The following FBXL5 variants were observed in gnomAD, a reference collection of about 807,000 sequenced individuals.
FBXL5 encodes the protein F-box and leucine rich repeat protein 5.
Under a neutral mutation model 78.3 loss-of-function variants are expected in FBXL5, and 26 were observed. The observed-to-expected ratio is 0.33, with a 90% CI of 0.24 to 0.46. FBXL5 has a LOEUF of 0.46. Among genes scored for constraint, FBXL5 ranks in the 20% least tolerant of loss-of-function variants. The pLI is 1.00. For synonymous variants in FBXL5, 295 were observed against 282.5 expected, an observed-to-expected ratio of 1.04 and a Z score of -0.45; for missense variants, 710 against 829.2, an observed-to-expected ratio of 0.86 and a Z score of 1.77.
intron 1 of FBXL5, among the ~76,000 whole-genome samples, chr4:15,678,875 TG>T (rs1167423289): frequency 3.9e-5 from 6 of 152,206 alleles, no homozygotes; most frequent in Admixed American, 2.0e-4. Context: ...CTCACTCTAC[TG>T]TTGGTTCATA....
At chr4:15,623,495 A>C (rs1393537956) in intron 9 of FBXL5, among the ~76,000 whole-genome samples, 2 of 145,834 alleles carry the variant, frequency 1.4e-5, no homozygotes, top group Non-Finnish European at 3.0e-5. Context: ...TCAATAAGGT[A>C]TGACAGTAAT....
Position 15,630,755 on chromosome 4 carries a change from G to A in FBXL5, c.803C>T (p.Thr268Ile). 1.9e-6 allele frequency: 3 copies of A among 1,612,578 alleles called. No individual in the cohort carries two copies. The South Asian group carries it at 3.3e-5, about 18-fold the overall frequency. ...TTTCACCCATTCATCATCAGGTTCA[G>A]TATCAAGTTCAGTTGCGGGACCACT... ...WYSGPATELD[T>I]EPDDEWVKNR... Residue 268 changes from threonine (T) to isoleucine (I), a missense_variant, in exon 6 of 11, where the codon ACT (threonine) becomes ATT (isoleucine). Physicochemically the swap from Thr to Ile is moderately conservative, Grantham distance 89. Around this residue, in one of 4 missense-constraint regions of FBXL5, gnomAD observed 517 missense variants for 542.9 expected, o/e 0.95. Coordinates refer to ENST00000341285, the MANE Select transcript of FBXL5 (RefSeq NM_012161.4).
At chr4:15,660,166 A>C (rs1234084745), upstream of FBXL5, among the ~76,000 whole-genome samples, 1 of 151,796 alleles carries the variant, frequency 6.6e-6, no homozygotes, top group Non-Finnish European at 1.5e-5. Flanking sequence ...GCAGCCTCAA[A>C]CTCCTAGGCT....
intron 9 of FBXL5, among the ~76,000 whole-genome samples, chr4:15,623,571 T>C (rs1712697270): frequency 6.6e-6 from 1 of 152,220 alleles, no homozygotes; most frequent in Admixed American, 6.5e-5. Context: ...TTTTACTTTC[T>C]AAAATCAAGT....
chr4:15,649,207 A>C (rs1715667737), intron 1 of FBXL5, among the ~76,000 whole-genome samples: 1 of 152,148 alleles, frequency 6.6e-6, no homozygotes, highest in Admixed American at 6.5e-5. Flanking sequence ...TAAAGATACT[A>C]CCCAACTCAG....
At chr4:15,662,565 G>A (rs1221785926), upstream of FBXL5, among the ~76,000 whole-genome samples, 1 of 152,100 alleles carries the variant, frequency 6.6e-6, no homozygotes, top group South Asian at 2.1e-4. Context: ...TCCTTGAAAA[G>A]GTCAAGCTTA....
chr4:15,659,246 T>C (rs1189888620), upstream of FBXL5, among the ~76,000 whole-genome samples: 3 of 152,226 alleles, frequency 2.0e-5, no homozygotes, highest in Non-Finnish European at 4.4e-5. Flanking sequence ...GCATAAAATA[T>C]TTCTTGCTGC....
In FBXL5 at chr4:15,630,714, T is replaced by C; in HGVS notation, c.844A>G (p.Ser282Gly). Residue 282 changes from serine (S) to glycine (G), a missense_variant, in exon 6 of 11, where the codon AGT becomes GGT. Physicochemically the swap from Ser to Gly is moderately conservative, Grantham distance 56. Around this residue, in one of 4 missense-constraint regions of FBXL5, gnomAD observed 517 missense variants for 542.9 expected, o/e 0.95. Coordinates refer to ENST00000341285, the MANE Select transcript of FBXL5 (RefSeq NM_012161.4). Reference protein sequence around the residue: ...DEWVKNRKDESRAFHEWDEDA... With the variant: ...DEWVKNRKDEGRAFHEWDEDA... ...TCATCCCACTCATGAAAAGCACGAC[T>C]TTCATCTTTCCTATTTTTCACCCAT... 1 of 1,607,076 alleles carries C rather than the reference T, an allele frequency of 6.2e-7. No individual in the cohort carries two copies. The highest frequency in any genetic ancestry group is 8.5e-7 in the Non-Finnish European group (1 of 1,178,374).
chr4:15,673,069 G>A (rs1012338484), intron 1 of FBXL5, among the ~76,000 whole-genome samples: 2 of 152,134 alleles, frequency 1.3e-5, no homozygotes, highest in East Asian at 1.9e-4. Flanking sequence ...GCCTTCGTCT[G>A]TAATACTTTG....
intron 1 of FBXL5, 32 bp downstream of exon 1, chr4:15,655,172 C>G (rs1353001479): frequency 2.2e-6 from 3 of 1,355,392 alleles, no homozygotes; most frequent in Admixed American, 4.8e-5. Flanking sequence ...CCGCCCGCAC[C>G]GCCCACAGCG....
At chr4:15,653,153 T>G (rs1333104174) in intron 1 of FBXL5, among the ~76,000 whole-genome samples, 1 of 152,200 alleles carries the variant, frequency 6.6e-6, no homozygotes, top group African/African-American at 2.4e-5. Flanking sequence ...AAAATTGGAC[T>G]TTTAATCTTC....
chr4:15,681,318 C>CGGGGCT (rs1320396123), intron 1 of FBXL5: 1 of 157,178 alleles, frequency 6.4e-6, no homozygotes, highest in Non-Finnish European at 1.5e-5. Context: ...CCCGCCAGGT[C>CGGGGCT]GGGGCTGGGG....
chr4:15,640,268 G>C (rs558877267), intron 3 of FBXL5, among the ~76,000 whole-genome samples: 39 of 151,166 alleles, frequency 2.6e-4, no homozygotes, highest in Non-Finnish European at 2.5e-4. Flanking sequence ...TCTTGAACTC[G>C]TGAGTTCAAG....
chr4:15,669,517 A>T (rs1717675077), intron 1 of FBXL5, among the ~76,000 whole-genome samples: 1 of 152,116 alleles, frequency 6.6e-6, no homozygotes, highest in Admixed American at 6.5e-5. Flanking sequence ...AGCCTTGGCA[A>T]CAGAGACCTT....
chr4:15,617,935 T>C (rs547322509), intron 9 of FBXL5, among the ~76,000 whole-genome samples: 11 of 152,028 alleles, frequency 7.2e-5, no homozygotes, highest in Admixed American at 7.2e-4. Flanking sequence ...GTAACAAACC[T>C]GCACATCTCA....
intron 1 of FBXL5, among the ~76,000 whole-genome samples, chr4:15,653,735 T>C (rs1288876600): frequency 6.6e-6 from 1 of 152,158 alleles, no homozygotes; most frequent in Non-Finnish European, 1.5e-5. Flanking sequence ...TACTGCTAAG[T>C]AAAAAATTCA....
rs182334026 is a variant in FBXL5, at chr4:15,626,895, T to C, written c.1102A>G (p.Ile368Val). 6.8e-5 allele frequency: 109 copies of C among 1,610,964 alleles called. No homozygotes were observed. In the East Asian group the frequency reaches 2.2e-3, roughly 32 times the overall value. The change falls in exon 8 of 11, where the codon ATT (isoleucine) becomes GTT (valine). Residue 368 changes from isoleucine to valine, a missense_variant. By Grantham distance (29) the Ile-to-Val change is conservative. Coordinates refer to ENST00000341285, the MANE Select transcript of FBXL5 (RefSeq NM_012161.4). ...LEHLDLTQTD[I>V]SDSAFDSWSW... The stretch of plus-strand genomic sequence containing the variant: ...AACCTGTCAAATGCAGAATCTGAAA[T>C]GTCAGTCTGGGTAAGATCCAGATGC...
intron 9 of FBXL5, among the ~76,000 whole-genome samples, chr4:15,616,987 G>A (rs1390360021): frequency 6.6e-6 from 1 of 152,230 alleles, no homozygotes; most frequent in Non-Finnish European, 1.5e-5. Flanking sequence ...ATGCTGGCGA[G>A]GTTGTGGAGA....
rs185192526 is a variant in FBXL5 at position 15,605,359 on chromosome 4, A to T, written c.*364T>A. 591 of 162,242 alleles carry T rather than the reference A, an allele frequency of 3.6e-3. 6 individuals carry two copies. The highest frequency in any genetic ancestry group is 0.016 in the Middle Eastern group (5 of 314). 10.1% of individuals were successfully genotyped at this position (162,242 alleles called of 1,614,324 possible). On this transcript the variant is annotated 3_prime_UTR_variant, in exon 11 of 11. Coordinates refer to ENST00000341285, the MANE Select transcript of FBXL5 (RefSeq NM_012161.4). ...GGAAAAGATCTGCAAAGCTTGGTAC[A>T]GTGTTAATGTGTAAAGAGAACCAAT... is the stretch of plus-strand genomic sequence containing the variant.
Sources: gnomAD v4.1 joint callset for allele counts (sites outside exome capture counted in the v4.1 genomes callset) on GRCh38, gnomAD v4.1.1 for gene constraint, gnomAD v4.1.1 regional missense constraint, MANE v1.5 for transcripts, NCBI Gene and HGNC (gene_info 2026-07-23, HGNC 2026-07-21) for gene names.